GPBP1L1: variants seen among roughly 807,000 people sequenced by gnomAD.
The protein encoded by GPBP1L1 is vasculin-like protein 1.
A neutral mutation model predicts 52.5 loss-of-function variants in GPBP1L1; 23 were observed. That is an observed-to-expected ratio of 0.44 (90% confidence interval 0.32 to 0.62). The LOEUF is 0.62. Among genes scored for constraint, GPBP1L1 ranks in the 20% least tolerant of loss-of-function variants. The pLI, the probability that GPBP1L1 is intolerant of heterozygous loss-of-function variation, is 0.06. For missense variants in GPBP1L1, 596 were observed against 579.3 expected (o/e 1.03, Z -0.30); for synonymous variants, 243 against 203.1 (o/e 1.20, Z -1.67).
intron 8 of GPBP1L1, chr1:45,634,558 A>T (rs1644570797): frequency 5.0e-6 from 1 of 201,694 alleles, no homozygotes; most frequent in Non-Finnish European, 9.9e-6. Flanking sequence ...TTCTCAAAGC[A>T]CTTAACTGCA....
chr1:45,669,577 C>T (rs1252281625), intron 2 of GPBP1L1, among the ~76,000 whole-genome samples: 1 of 152,028 alleles, frequency 6.6e-6, no homozygotes, highest in Non-Finnish European at 1.5e-5. Context: ...ATAGTTTAGT[C>T]ATTTGAAAGT....
intron 2 of GPBP1L1, among the ~76,000 whole-genome samples, chr1:45,685,107 G>C (rs951887276): frequency 1.3e-5 from 2 of 150,200 alleles, no homozygotes; most frequent in African/African-American, 2.4e-5. Flanking sequence ...TTGTTCAAAA[G>C]GGCACGACAA....
At chr1:45,673,975 G>A (rs1325659577) in intron 2 of GPBP1L1, among the ~76,000 whole-genome samples, 1 of 152,224 alleles carries the variant, frequency 6.6e-6, no homozygotes, top group African/African-American at 2.4e-5. Flanking sequence ...CTACTCAAGA[G>A]GCTAAATCAC....
In GPBP1L1 at chr1:45,660,355, G is replaced by T; in HGVS notation, c.-227C>A. ...GATCACTCTCTCAGTCCCCTCAACTGCTCATCTTAAACTATTTGGTTCCTG... is the reference window on the plus strand; with the variant it reads ...GATCACTCTCTCAGTCCCCTCAACTTCTCATCTTAAACTATTTGGTTCCTG... On this transcript the variant is annotated 5_prime_UTR_variant, in exon 3 of 13. Transcript: ENST00000355105. 2 of 984,898 alleles carry T rather than the reference G, an allele frequency of 2.0e-6. No homozygotes were observed. Among genetic ancestry groups the T allele is most frequent in the Non-Finnish European group, 2.4e-6 (2 of 829,816 alleles). 61.0% of individuals were successfully genotyped at this position (984,898 alleles called of 1,614,324 possible). A position where few individuals can be genotyped will look rare whatever the true frequency, so the allele number is the denominator to read the frequency against.
intron 2 of GPBP1L1, among the ~76,000 whole-genome samples, chr1:45,664,484 T>C (rs1416957153): frequency 6.9e-6 from 1 of 144,716 alleles, no homozygotes; most frequent in Non-Finnish European, 1.5e-5. Flanking sequence ...GAGAATGGCG[T>C]GAACCCGGGA....
Position 45,683,751 on chromosome 1 carries a change from CAAAAAAA to C in GPBP1L1, c.-1098+1818_-1098+1824del, listed in dbSNP as rs55857116. 5.3e-3 allele frequency among the ~76,000 whole-genome samples: 494 copies of C among 93,130 alleles called. 3 individuals carry two copies. The highest frequency in any genetic ancestry group is 6.5e-3 in the Non-Finnish European group (319 of 49,048). 61.1% of individuals were successfully genotyped at this position (93,130 alleles called of 152,430 possible). A position where few individuals can be genotyped will look rare whatever the true frequency, so the allele number is the denominator to read the frequency against. On this transcript the variant is annotated intron_variant, in intron 2 of 12. Coordinates refer to ENST00000355105, the MANE Select transcript of GPBP1L1 (RefSeq NM_021639.5). ...CCTCCCCCTCCTCTCTAATAAAATA[CAAAAAAA>C]AAAAAAAAAAAAAATTAGCTGGGTG... is the stretch of plus-strand genomic sequence containing the variant.
chr1:45,655,337 G>A lies in GPBP1L1; in HGVS notation c.61-18C>T, dbSNP rs770599994. The A allele has an allele frequency of 1.9e-6, 3 of 1,613,386 alleles. No individual in the cohort carries two copies. The highest frequency in any genetic ancestry group is 8.5e-7 in the Non-Finnish European group (1 of 1,179,438). ...GTAGGTGACTAAGATGATGAAGTAT[G>A]GAGAGGCAAATGGATAAATAGCTAT... On this transcript the variant is annotated intron_variant, in intron 4 of 12. Coordinates refer to ENST00000355105, the MANE Select transcript of GPBP1L1 (RefSeq NM_021639.5).
intron 2 of GPBP1L1, among the ~76,000 whole-genome samples, chr1:45,679,920 G>A (rs1263930751): frequency 2.2e-5 from 3 of 135,622 alleles, no homozygotes; most frequent in Non-Finnish European, 4.7e-5. Context: ...AAATTAGCCA[G>A]GCATGCTGGC....
At chr1:45,669,757 A>T (rs1238472970) in intron 2 of GPBP1L1, among the ~76,000 whole-genome samples, 1 of 152,218 alleles carries the variant, frequency 6.6e-6, no homozygotes, top group East Asian at 1.9e-4. Context: ...ATTAAAAATA[A>T]TTTTTGATGG....
At chr1:45,671,999 AG>A (rs1645078989) in intron 2 of GPBP1L1, among the ~76,000 whole-genome samples, 1 of 152,180 alleles carries the variant, frequency 6.6e-6, no homozygotes, top group Non-Finnish European at 1.5e-5. Flanking sequence ...TTCTTATTTA[AG>A]TCTTCTTTAA....
Position 45,659,036 on chromosome 1 carries a change from A to C in GPBP1L1, c.52T>G (p.Ser18Ala), listed in dbSNP as rs200506085. 2.5e-6 allele frequency: 4 copies of C among 1,605,970 alleles called. No homozygotes were observed. In the Admixed American group the frequency reaches 6.7e-5, roughly 27 times the overall value. The change falls in exon 4 of 13, where the codon TCA (serine) becomes GCA (alanine). Residue 18 changes from serine (S) to alanine (A), a missense_variant. By Grantham distance (99) the Ser-to-Ala change is moderately conservative. Transcript: ENST00000355105. Reference protein sequence around the residue: ...PAWLNFSTPQSAKSPTATFEK... With the variant: ...PAWLNFSTPQAAKSPTATFEK... ...GGAATGGAGAACAGTACCTTAGCTG[A>C]CTGTGGTGTTGAGAAATTTAGCCAA...
At chr1:45,630,365 A>G (rs1203310824) in intron 11 of GPBP1L1, 117 bp downstream of exon 11, 1 of 1,214,750 alleles carries the variant, frequency 8.2e-7, no homozygotes, top group African/African-American at 1.5e-5. Context: ...AGAACAAGTT[A>G]TGACTGGGCC....
intron 10 of GPBP1L1, among the ~76,000 whole-genome samples, chr1:45,631,235 GAC>G (rs1644527119): frequency 6.6e-6 from 1 of 151,932 alleles, no homozygotes; most frequent in Non-Finnish European, 1.5e-5. Flanking sequence ...CCTTGGGTAT[GAC>G]ATTTATTTAT....
At chr1:45,683,496 C>T (rs1424167712) in intron 2 of GPBP1L1, among the ~76,000 whole-genome samples, 2 of 150,800 alleles carry the variant, frequency 1.3e-5, no homozygotes, top group East Asian at 3.9e-4. Context: ...TGAGCCACCG[C>T]GCCCGGCCTG....
intron 10 of GPBP1L1, among the ~76,000 whole-genome samples, chr1:45,631,331 C>T (rs895663700): frequency 1.3e-5 from 2 of 152,136 alleles, no homozygotes; most frequent in Non-Finnish European, 2.9e-5. Flanking sequence ...GGCGCGATCT[C>T]GGCTCACTGC....
At chr1:45,648,849 G>A (rs1046642022) in intron 6 of GPBP1L1, among the ~76,000 whole-genome samples, 4 of 152,024 alleles carry the variant, frequency 2.6e-5, no homozygotes, top group African/African-American at 9.7e-5. Context: ...CCAACATGGC[G>A]AAATCCCGCC....
intron 2 of GPBP1L1, among the ~76,000 whole-genome samples, chr1:45,670,098 C>G (rs756682205): frequency 9.9e-5 from 15 of 152,200 alleles, no homozygotes; most frequent in Non-Finnish European, 2.1e-4. Flanking sequence ...CAACGTGTAA[C>G]CAGTTTTCAC....
intron 6 of GPBP1L1, among the ~76,000 whole-genome samples, chr1:45,653,693 C>CT (rs201949293): frequency 2.3e-5 from 3 of 129,656 alleles, no homozygotes; most frequent in Non-Finnish European, 5.0e-5. Context: ...AAATGATAAT[C>CT]TTTTTTTTCT....
intron 12 of GPBP1L1, among the ~76,000 whole-genome samples, chr1:45,629,051 G>A (rs140051564): frequency 6.6e-6 from 1 of 152,204 alleles, no homozygotes; most frequent in African/African-American, 2.4e-5. Context: ...CAATTGTGCT[G>A]TAAATACAGG....
Sources: allele counts gnomAD v4.1 joint callset (sites outside exome capture counted in the v4.1 genomes callset), GRCh38; gene constraint gnomAD v4.1.1; transcripts MANE v1.5; gene names NCBI Gene and HGNC (gene_info 2026-07-23, HGNC 2026-07-21).